ERICH1: variants seen among roughly 807,000 people sequenced by gnomAD.
ERICH1 encodes glutamate rich 1, also known as glutamate-rich protein 1.
ERICH1 carries 56 observed loss-of-function variants against 39.6 expected under a neutral mutation model. That is an observed-to-expected ratio of 1.41 (90% CI 1.14 to 1.77). ERICH1 has a LOEUF of 1.77. ERICH1 is among the 40% of genes most tolerant of loss of function. The pLI is 0.00. For synonymous variants in ERICH1, 313 were observed against 223.6 expected (o/e 1.40, Z -3.57); for missense variants, 826 against 575.4 (o/e 1.44, Z -4.45).
intron 3 of ERICH1, among the ~76,000 whole-genome samples, chr8:681,203 C>T (rs141560788): frequency 5.1e-4 from 78 of 152,292 alleles, no homozygotes; most frequent in Admixed American, 1.8e-3. Context: ...ATCGCCACGC[C>T]CAGAGCCCTG....
intron 2 of ERICH1, among the ~76,000 whole-genome samples, chr8:701,412 C>A (rs1043719371): frequency 3.9e-4 from 60 of 152,314 alleles, no homozygotes; most frequent in African/African-American, 1.4e-3. Context: ...GACGGGAGCA[C>A]GCCTTACCCA....
At chr8:625,113 C>A (rs1379151572) in intron 3 of ERICH1, among the ~76,000 whole-genome samples, 3 of 152,186 alleles carry the variant, frequency 2.0e-5, no homozygotes, top group African/African-American at 7.2e-5. Context: ...CAATCACTCC[C>A]ACCAGCTCCC....
rs1177885119 is a variant in ERICH1, at chr8:692,395, T to C, written c.304+83A>G. On this transcript the variant is annotated intron_variant, in intron 3 of 5. Coordinates refer to ENST00000262109, the MANE Select transcript of ERICH1 (RefSeq NM_207332.3). ...CCCACCCCCCAAGTATGAATTTAGA[T>C]AAAGGTATTACAATACCAGAAAATT... The C allele has an allele frequency of 3.8e-6, 6 of 1,585,680 alleles. No homozygotes were observed. The Admixed American group carries it at 1.1e-4, about 29-fold the overall frequency.
intron 3 of ERICH1, among the ~76,000 whole-genome samples, chr8:677,652 C>G (rs1426215058): frequency 1.3e-5 from 2 of 152,172 alleles, no homozygotes; most frequent in Admixed American, 6.5e-5. Flanking sequence ...CCAACCACGT[C>G]TAGGCAATCC....
intron 3 of ERICH1, among the ~76,000 whole-genome samples, chr8:618,500 G>C (rs59298633): frequency 6.6e-6 from 1 of 152,358 alleles, no homozygotes; most frequent in East Asian, 1.9e-4. Context: ...GCCCGGAGCA[G>C]TGCATGGCAT....
intron 2 of ERICH1, among the ~76,000 whole-genome samples, chr8:703,571 T>A (rs963141497): frequency 3.3e-5 from 5 of 152,072 alleles, no homozygotes; most frequent in African/African-American, 9.7e-5. Flanking sequence ...CCAGGCACCA[T>A]AACTGAAGGC....
intron 3 of ERICH1, among the ~76,000 whole-genome samples, chr8:629,891 G>T (rs374137659): frequency 4.4e-3 from 191 of 43,196 alleles, no homozygotes; most frequent in South Asian, 6.9e-3. Flanking sequence ...CCTCCTGTGA[G>T]CACCCACACA....
intron 3 of ERICH1, among the ~76,000 whole-genome samples, chr8:620,972 T>G (rs1191442094): frequency 6.6e-6 from 1 of 152,188 alleles, no homozygotes; most frequent in Non-Finnish European, 1.5e-5. Flanking sequence ...ATACATATTC[T>G]CAAGTACACA....
chr8:636,113 C>G (rs936509162), intron 3 of ERICH1, among the ~76,000 whole-genome samples: 4 of 152,226 alleles, frequency 2.6e-5, no homozygotes, highest in Non-Finnish European at 5.9e-5. Context: ...GTGGAAAACA[C>G]TCAGCCTGGG....
intron 3 of ERICH1, among the ~76,000 whole-genome samples, chr8:659,085 G>A (rs6984304): frequency 4.0e-3 from 78 of 19,564 alleles, no homozygotes; most frequent in Non-Finnish European, 4.7e-3. Flanking sequence ...CGAGATCTCC[G>A]GTGTGCACTG....
At chr8:665,180 T>C (rs1801998983) in intron 5 of ERICH1, among the ~76,000 whole-genome samples, 1 of 146,520 alleles carries the variant, frequency 6.8e-6, no homozygotes, top group Non-Finnish European at 1.5e-5. Flanking sequence ...ACAATCGCGA[T>C]GCCACAATCG....
intron 1 of ERICH1, among the ~76,000 whole-genome samples, chr8:723,173 C>A (rs1002950088): frequency 6.6e-6 from 1 of 152,206 alleles, no homozygotes; most frequent in African/African-American, 2.4e-5. Flanking sequence ...ACGCTGGCTC[C>A]CCTCTGCCTT....
intron 3 of ERICH1, among the ~76,000 whole-genome samples, chr8:622,515 A>G (rs1424066793): frequency 1.3e-5 from 2 of 152,220 alleles, no homozygotes; most frequent in African/African-American, 2.4e-5. Flanking sequence ...TGGTGACGTG[A>G]TCTTGGACTG....
chr8:638,531 G>C (rs1290070085), intron 3 of ERICH1, among the ~76,000 whole-genome samples: 1 of 152,202 alleles, frequency 6.6e-6, no homozygotes, highest in Non-Finnish European at 1.5e-5. Flanking sequence ...GTCAGAACAA[G>C]GCCACGGAGG....
At chr8:703,687 C>T (rs561042423) in intron 2 of ERICH1, among the ~76,000 whole-genome samples, 2 of 152,296 alleles carry the variant, frequency 1.3e-5, no homozygotes, top group South Asian at 4.1e-4. Flanking sequence ...GTGACAAAAA[C>T]GAAGGGTGCA....
intron 3 of ERICH1, among the ~76,000 whole-genome samples, chr8:633,344 T>A (rs1304551296): frequency 1.3e-5 from 2 of 152,176 alleles, no homozygotes; most frequent in Admixed American, 6.5e-5. Context: ...TGGATCAGGA[T>A]GCACTTGTAT....
At chr8:724,817 C>T (rs74711115) in intron 1 of ERICH1, among the ~76,000 whole-genome samples, 4,139 of 152,278 alleles carry the variant, frequency 0.027, 211 homozygotes, top group African/African-American at 0.094. Flanking sequence ...GGGCAGGTTA[C>T]GCTCACTGAG....
chr8:651,271 G>A (rs537437374), intron 3 of ERICH1, among the ~76,000 whole-genome samples: 3 of 152,326 alleles, frequency 2.0e-5, no homozygotes, highest in East Asian at 3.9e-4. Context: ...CTCATCTCCC[G>A]AACCTGCCTG....
chr8:688,065 A>C (rs1253934939), intron 3 of ERICH1, among the ~76,000 whole-genome samples: 7 of 152,076 alleles, frequency 4.6e-5, no homozygotes, highest in Non-Finnish European at 8.8e-5. Context: ...GCGCGCGGTC[A>C]AATTCCTCAG....
Sources: allele counts gnomAD v4.1 joint callset (sites outside exome capture counted in the v4.1 genomes callset), GRCh38; gene constraint gnomAD v4.1.1; transcripts MANE v1.5; gene names NCBI Gene and HGNC (gene_info 2026-07-23, HGNC 2026-07-21).